The following MMD2 variants were observed in gnomAD, a reference collection of about 807,000 sequenced individuals.
The protein encoded by MMD2 is monocyte to macrophage differentiation associated 2.
MMD2 carries 30 observed loss-of-function variants against 33.5 expected under a neutral mutation model. That is an observed-to-expected ratio of 0.90 (90% CI 0.67 to 1.22). The LOEUF is 1.22. Ranked by LOEUF, MMD2 falls within the 50% of genes most tolerant of loss-of-function variation. The probability of loss-of-function intolerance (pLI) is 0.00; values close to 1 mark genes in which losing one functional copy is unlikely to be tolerated. For synonymous variants in MMD2, 129 were observed against 123.0 expected (o/e 1.05, Z -0.32); for missense variants, 364 against 325.4 (o/e 1.12, Z -0.91).
intron 5 of MMD2, among the ~76,000 whole-genome samples, chr7:4,910,223 T>G (rs1034525347): frequency 6.6e-6 from 1 of 152,060 alleles, no homozygotes; most frequent in Non-Finnish European, 1.5e-5. Flanking sequence ...TTACAAACAT[T>G]GGGCATAGCA....
chr7:4,899,796 C>T, the MMD2 span, among the ~76,000 whole-genome samples: 1 of 152,110 alleles, frequency 6.6e-6, no homozygotes, highest in African/African-American at 2.4e-5. Context: ...CACCTGGACC[C>T]CAGGTGATGA....
At chr7:4,930,271 C>T (rs76590798) in intron 1 of MMD2, among the ~76,000 whole-genome samples, 1 of 47,176 alleles carries the variant, frequency 2.1e-5, no homozygotes, top group South Asian at 7.6e-4. Flanking sequence ...GACTCCATCT[C>T]AAAAAAAAAA....
intron 2 of MMD2, among the ~76,000 whole-genome samples, chr7:4,924,956 G>T (rs143557753): frequency 6.6e-6 from 1 of 151,994 alleles, no homozygotes; most frequent in South Asian, 2.1e-4. Context: ...TTTGAGACAG[G>T]GTCTTGCTCT....
In MMD2 at chr7:4,911,143, AC is replaced by A. The variant is rs1784995946; in HGVS notation, c.467+1del. Reference sequence around the variant, plus strand: ...TCCCTGAAGCCCCCAGGCCTGGCTTACCGCTCATGGAAGAAGAAGACATAGA... The same window carrying A: ...TCCCTGAAGCCCCCAGGCCTGGCTTACGCTCATGGAAGAAGAAGACATAGA... On this transcript the variant is annotated splice_donor_variant, in intron 5 of 6. Coordinates refer to ENST00000401401, the MANE Select transcript of MMD2 (RefSeq NM_198403.4). LOFTEE classifies it high-confidence loss of function. The A allele has an allele frequency of 6.4e-7, 1 of 1,573,462 alleles. No homozygotes were observed. Among genetic ancestry groups the A allele is most frequent in the East Asian group, 2.3e-5 (1 of 42,664 alleles).
intron 5 of MMD2, among the ~76,000 whole-genome samples, chr7:4,910,637 G>A (rs937447907): frequency 4.0e-5 from 6 of 151,688 alleles, no homozygotes; most frequent in African/African-American, 1.4e-4. Flanking sequence ...TTTTGTTGTT[G>A]TTTCTTTTTG....
At chr7:4,895,031 C>T in the MMD2 span, among the ~76,000 whole-genome samples, 1 of 151,726 alleles carries the variant, frequency 6.6e-6, no homozygotes, top group Admixed American at 6.6e-5. Flanking sequence ...ACTTGTATCC[C>T]CAACGCTCAG....
chr7:4,896,900 C>T, the MMD2 span, among the ~76,000 whole-genome samples: 2 of 151,790 alleles, frequency 1.3e-5, no homozygotes, highest in Non-Finnish European at 2.9e-5. Context: ...CGCTCTGTAG[C>T]CCAGGCTGGA....
At chr7:4,929,994 G>C (rs1785532590) in intron 1 of MMD2, among the ~76,000 whole-genome samples, 1 of 152,070 alleles carries the variant, frequency 6.6e-6, no homozygotes, top group African/African-American at 2.4e-5. Context: ...CCAGGGCCGG[G>C]TATGGTGGCT....
At chr7:4,943,379 G>A (rs1036166561) in intron 1 of MMD2, among the ~76,000 whole-genome samples, 1 of 152,054 alleles carries the variant, frequency 6.6e-6, no homozygotes, top group African/African-American at 2.4e-5. Context: ...TCCCGACCTC[G>A]TGATCCACCT....
At chr7:4,942,898 G>A (rs1785949709) in intron 1 of MMD2, among the ~76,000 whole-genome samples, 1 of 151,124 alleles carries the variant, frequency 6.6e-6, no homozygotes, top group African/African-American at 2.4e-5. Context: ...ATTACAGGAT[G>A]AGCCACCGCG....
chr7:4,914,208 T>C (rs920732574), intron 4 of MMD2, among the ~76,000 whole-genome samples: 2 of 152,204 alleles, frequency 1.3e-5, no homozygotes, highest in Non-Finnish European at 2.9e-5. Flanking sequence ...TGCGTGACCA[T>C]GGTGCCTATT....
intron 2 of MMD2, among the ~76,000 whole-genome samples, chr7:4,922,165 G>C (rs912790378): frequency 9.9e-5 from 15 of 152,112 alleles, no homozygotes; most frequent in African/African-American, 2.9e-4. Flanking sequence ...GGCGGAGGTT[G>C]CAGAGAGCCA....
At chr7:4,936,107 C>T (rs1217402291) in intron 1 of MMD2, among the ~76,000 whole-genome samples, 2 of 150,928 alleles carry the variant, frequency 1.3e-5, no homozygotes, top group East Asian at 1.9e-4. Flanking sequence ...ATCACTTGAA[C>T]CCGGGAGGCA....
At chr7:4,951,325 G>A (rs1786236891) in intron 1 of MMD2, among the ~76,000 whole-genome samples, 1 of 151,994 alleles carries the variant, frequency 6.6e-6, no homozygotes, top group East Asian at 1.9e-4. Flanking sequence ...GTGCCATAGA[G>A]CCCATGGAAC....
chr7:4,945,185 T>TTCTTCTTCTTCTTCTTCCTCTTCTTC (rs1554273338), intron 1 of MMD2, among the ~76,000 whole-genome samples: 4 of 93,480 alleles, frequency 4.3e-5, no homozygotes, highest in African/African-American at 1.6e-4. Context: ...CCTCTTCCTC[T>TTCTTCTTCTTCTTCTTCCTCTTCTTC]TTCTTCTTCT....
At chr7:4,895,580 C>G in the MMD2 span, among the ~76,000 whole-genome samples, 1 of 151,694 alleles carries the variant, frequency 6.6e-6, no homozygotes, top group African/African-American at 2.4e-5. Flanking sequence ...TCTGTCACCC[C>G]AGCTGGAGTG....
At chr7:4,954,323 T>C (rs999495793) in intron 1 of MMD2, among the ~76,000 whole-genome samples, 5 of 152,226 alleles carry the variant, frequency 3.3e-5, no homozygotes, top group African/African-American at 1.2e-4. Context: ...TTTTGGATAT[T>C]AATTACTTGT....
intron 1 of MMD2, among the ~76,000 whole-genome samples, chr7:4,947,137 G>A (rs1332983163): frequency 6.6e-6 from 1 of 151,988 alleles, no homozygotes; most frequent in South Asian, 2.1e-4. Flanking sequence ...GAACTCGGGA[G>A]GTGGAGTTTG....
intron 4 of MMD2, among the ~76,000 whole-genome samples, chr7:4,913,085 G>A (rs899183060): frequency 6.6e-6 from 1 of 152,052 alleles, no homozygotes; most frequent in African/African-American, 2.4e-5. Flanking sequence ...TCATTATAAA[G>A]AATTTAAGTA....
Sources: gnomAD v4.1 joint callset for allele counts (sites outside exome capture counted in the v4.1 genomes callset) on GRCh38, gnomAD v4.1.1 for gene constraint, MANE v1.5 for transcripts, NCBI Gene and HGNC (gene_info 2026-07-23, HGNC 2026-07-21) for gene names.